Variants in NUP153 observed in about 807,000 individuals in gnomAD.
NUP153 encodes the protein nucleoporin 153.
A neutral mutation model predicts 134.6 loss-of-function variants in NUP153; 27 were observed. That is an observed-to-expected ratio of 0.20 (90% confidence interval 0.15 to 0.28). The LOEUF is 0.28. Ranked by LOEUF, NUP153 falls within the 10% of genes least tolerant of loss-of-function variation. NUP153 has a pLI of 1.00. For synonymous variants in NUP153, 640 were observed against 623.5 expected, an observed-to-expected ratio of 1.03 and a Z score of -0.40; for missense variants, 1,821 against 1,731.3, an observed-to-expected ratio of 1.05 and a Z score of -0.92.
rs537953887 is a variant in NUP153 at position 17,661,976 on chromosome 6, G to A, written c.1268+42C>T. On this transcript the variant is annotated intron_variant, in intron 10 of 21. Coordinates refer to ENST00000262077, the MANE Select transcript of NUP153 (RefSeq NM_005124.4). ...TGTAAATTAAATACAGACCTTACAA[G>A]TTAAATATAAAGAAGTATAGCTGTA... 63 of 1,433,588 alleles carry A rather than the reference G, an allele frequency of 4.4e-5. No homozygotes were observed. In the South Asian group the frequency reaches 7.5e-4, roughly 17 times the overall value. The allele number at this position is 1,433,588 out of a possible 1,614,324, so 88.8% of individuals were successfully genotyped here.
chr6:17,683,411 G>A (rs1768731029), intron 2 of NUP153, among the ~76,000 whole-genome samples: 1 of 152,212 alleles, frequency 6.6e-6, no homozygotes, highest in African/African-American at 2.4e-5. Flanking sequence ...AATGGACATT[G>A]TATTATCAAG....
intron 15 of NUP153, 67 bp from the exon 16 acceptor site, chr6:17,637,837 A>C: frequency 1.4e-6 from 2 of 1,479,462 alleles, no homozygotes; most frequent in Non-Finnish European, 1.8e-6. Context: ...TAATTTGATT[A>C]TTATTACTGA....
chr6:17,682,276 C>G (rs1397888795), intron 2 of NUP153, among the ~76,000 whole-genome samples: 2 of 152,114 alleles, frequency 1.3e-5, no homozygotes, highest in Non-Finnish European at 2.9e-5. Flanking sequence ...ATCTGCTGAG[C>G]CTTTAGAAAG....
At chr6:17,692,165 C>G (rs1238950049) in intron 1 of NUP153, among the ~76,000 whole-genome samples, 2 of 152,144 alleles carry the variant, frequency 1.3e-5, no homozygotes, top group Non-Finnish European at 2.9e-5. Context: ...AACTGGAAAA[C>G]ATAACTGGTC....
intron 5 of NUP153, among the ~76,000 whole-genome samples, chr6:17,672,386 T>C (rs1359667028): frequency 6.6e-6 from 1 of 152,054 alleles, no homozygotes; most frequent in Non-Finnish European, 1.5e-5. Context: ...AACACCAGCC[T>C]AGGCAACTTA....
chr6:17,694,427 C>T (rs148414349), intron 1 of NUP153, among the ~76,000 whole-genome samples: 8 of 152,040 alleles, frequency 5.3e-5, no homozygotes, highest in African/African-American at 1.2e-4. Flanking sequence ...CGGAGGCCGA[C>T]GCGGGCGGAT....
chr6:17,642,215 A>G (rs1487125549), intron 14 of NUP153, among the ~76,000 whole-genome samples: 1 of 152,222 alleles, frequency 6.6e-6, no homozygotes, highest in Non-Finnish European at 1.5e-5. Context: ...CAGCAACAGA[A>G]GAAAAAAATG....
chr6:17,616,399 T>C lies in NUP153; in HGVS notation c.4343+128A>G, dbSNP rs371132873. On this transcript the variant is annotated intron_variant, in intron 21 of 21. Coordinates refer to ENST00000262077, the MANE Select transcript of NUP153 (RefSeq NM_005124.4). Reference sequence around the variant, plus strand: ...CCTCCAGAATTATAGTATGGTAAATTTATGTTGGAGAACATATTTAATTTT... The same window carrying C: ...CCTCCAGAATTATAGTATGGTAAATCTATGTTGGAGAACATATTTAATTTT... 15 of 900,388 alleles carry C rather than the reference T, an allele frequency of 1.7e-5. No individual in the cohort carries two copies. In the African/African-American group the frequency reaches 2.0e-4, roughly 12 times the overall value. 55.8% of individuals were successfully genotyped at this position (900,388 alleles called of 1,614,324 possible). A position where few individuals can be genotyped will look rare whatever the true frequency, so the allele number is the denominator to read the frequency against.
chr6:17,702,052 A>G (rs78470470), intron 1 of NUP153, among the ~76,000 whole-genome samples: 6,126 of 151,650 alleles, frequency 0.04, 379 homozygotes, highest in East Asian at 0.29. Context: ...TTGCCCATGG[A>G]CTCAAGTTTT....
chr6:17,666,524 C>CA (rs1382611007), intron 8 of NUP153, among the ~76,000 whole-genome samples: 1 of 152,016 alleles, frequency 6.6e-6, no homozygotes, highest in African/African-American at 2.4e-5. Flanking sequence ...CCAAAACAAA[C>CA]AAAAAAACTA....
Position 17,680,806 on chromosome 6 carries a change from C to T in NUP153, c.335-5036G>A, listed in dbSNP as rs1012934537. Among the ~76,000 whole-genome samples the T allele has an allele frequency of 6.6e-6, 1 of 152,114 alleles. No individual in the cohort carries two copies. Among genetic ancestry groups the T allele is most frequent in the African/African-American group, 2.4e-5 (1 of 41,422 alleles). On this transcript the variant is annotated intron_variant, in intron 2 of 21. Transcript: ENST00000262077. This position sits in a 1 kb window ranked among gnomAD's most constrained non-coding sequence, Gnocchi z 4.5. The stretch of plus-strand genomic sequence containing the variant: ...GTGAGGATGTAGAGAAAGGAGAATC[C>T]TTGTACACTGTTGTTGGTGGGAATT...
At position 17,706,132 on chromosome 6, in the gene NUP153, G is replaced by T; in HGVS notation, c.111+145C>A. The T allele has an allele frequency of 1.5e-6, 1 of 664,912 alleles. No individual in the cohort carries two copies. Among genetic ancestry groups the T allele is most frequent in the Admixed American group, 2.6e-5 (1 of 39,028 alleles). The allele number at this position is 664,912 out of a possible 1,614,324, so 41.2% of individuals were successfully genotyped here. Reference sequence around the variant, plus strand: ...CCCACTTCCCGTCGCCACCCCCAACGGCCTGAGCTCCCCCGGAGCCTCACT... The same window carrying T: ...CCCACTTCCCGTCGCCACCCCCAACTGCCTGAGCTCCCCCGGAGCCTCACT... On this transcript the variant is annotated intron_variant, in intron 1 of 21. Coordinates refer to ENST00000262077, the MANE Select transcript of NUP153 (RefSeq NM_005124.4). The surrounding 1 kb of genome is among the most constrained non-coding windows in gnomAD (Gnocchi z 5.9).
At chr6:17,688,805 C>T (rs1363630852) in intron 1 of NUP153, among the ~76,000 whole-genome samples, 187 bp from the exon 2 acceptor site, 1 of 152,004 alleles carries the variant, frequency 6.6e-6, no homozygotes, top group Non-Finnish European at 1.5e-5. Context: ...TTCTTTCTTT[C>T]TTCTATATGC....
chr6:17,674,835 A>G (rs1768119524), intron 5 of NUP153, 70 bp downstream of exon 5: 1 of 1,181,850 alleles, frequency 8.5e-7, no homozygotes, highest in Admixed American at 2.7e-5. Flanking sequence ...AGCACAAAGT[A>G]ATTTATTATC....
chr6:17,659,406 A>G (rs1207787541), intron 11 of NUP153, among the ~76,000 whole-genome samples: 1 of 152,230 alleles, frequency 6.6e-6, no homozygotes, highest in Non-Finnish European at 1.5e-5. Context: ...CCAAAACCCC[A>G]ATTACTTTTG....
In NUP153 at chr6:17,706,479, C is replaced by A; in HGVS notation, c.-92G>T. The A allele has an allele frequency of 1.0e-6, 1 of 979,666 alleles. No individual in the cohort carries two copies. Among genetic ancestry groups the A allele is most frequent in the Non-Finnish European group, 1.5e-6 (1 of 667,904 alleles). The allele number at this position is 979,666 out of a possible 1,614,324, so 60.7% of individuals were successfully genotyped here. ...TTAGAGAGCCTCCCCCGCCGCCCGG[C>A]CCCGGCCCAAAAGTCCGCCCGCGCT... On this transcript the variant is annotated 5_prime_UTR_variant, in exon 1 of 22. Coordinates refer to ENST00000262077, the MANE Select transcript of NUP153 (RefSeq NM_005124.4). This position sits in a 1 kb window ranked among gnomAD's most constrained non-coding sequence, Gnocchi z 5.9.
rs76097316 is a variant in NUP153, at chr6:17,635,611, G to A, written c.2464+1542C>T. 3.5e-3 allele frequency among the ~76,000 whole-genome samples: 530 copies of A among 152,192 alleles called. 3 individuals carry two copies. Among genetic ancestry groups the A allele is most frequent in the African/African-American group, 0.01 (430 of 41,534 alleles). On this transcript the variant is annotated intron_variant, in intron 16 of 21. Transcript: ENST00000262077. ...GAGACAGTGCTTCACCATGCTGCTC[G>A]GGCTGGTCTTAAACTGGGTTCAAGC... is the stretch of plus-strand genomic sequence containing the variant.
intron 11 of NUP153, among the ~76,000 whole-genome samples, chr6:17,655,544 C>T (rs1199784628): frequency 1.3e-5 from 2 of 151,742 alleles, no homozygotes; most frequent in African/African-American, 4.8e-5. Context: ...ACCTCCCCCT[C>T]CCAGGTTCAA....
Position 17,680,305 on chromosome 6 carries a change from C to T in NUP153, c.335-4535G>A, listed in dbSNP as rs746818206. Among the ~76,000 whole-genome samples, 2 of 152,130 alleles carry T rather than the reference C, an allele frequency of 1.3e-5. No homozygotes were observed. The highest frequency in any genetic ancestry group is 4.8e-5 in the African/African-American group (2 of 41,416). On this transcript the variant is annotated intron_variant, in intron 2 of 21. Coordinates refer to ENST00000262077, the MANE Select transcript of NUP153 (RefSeq NM_005124.4). This position sits in a 1 kb window ranked among gnomAD's most constrained non-coding sequence, Gnocchi z 4.5. ...AACACAGGGCCCAGAAATAAACTAC[C>T]ATATATGATCAAACGATCTTCAACA...
Sources: allele counts gnomAD v4.1 joint callset (sites outside exome capture counted in the v4.1 genomes callset), GRCh38; gene constraint gnomAD v4.1.1; non-coding constraint Gnocchi (gnomAD v3.1); transcripts MANE v1.5; gene names NCBI Gene and HGNC (gene_info 2026-07-23, HGNC 2026-07-21).